Variants in KDM1A observed in about 807,000 individuals in gnomAD.
KDM1A encodes the protein lysine demethylase 1A.
A neutral mutation model predicts 109.4 loss-of-function variants in KDM1A; 49 were observed. That is an observed-to-expected ratio of 0.45 (90% CI 0.36 to 0.57). KDM1A has a LOEUF of 0.57. Ranked by LOEUF, KDM1A falls within the 20% of genes least tolerant of loss-of-function variation. The probability of loss-of-function intolerance (pLI) is 0.00; values close to 1 mark genes in which losing one functional copy is unlikely to be tolerated. For synonymous variants in KDM1A, 380 were observed against 415.4 expected (o/e 0.91, Z 1.04); for missense variants, 668 against 1,116.6 (o/e 0.60, Z 5.73).
At chr1:23,081,186 G>T in intron 18 of KDM1A, 1 of 405,248 alleles carries the variant, frequency 2.5e-6, no homozygotes, top group South Asian at 3.7e-5. Context: ...CAGAACTGCT[G>T]TATTTTGCCA....
chr1:23,049,656 G>A (rs1642606224), intron 3 of KDM1A, among the ~76,000 whole-genome samples: 1 of 150,766 alleles, frequency 6.6e-6, no homozygotes, highest in South Asian at 2.1e-4. Context: ...CTACACTCCA[G>A]CCTGGGCAAT....
intron 12 of KDM1A, among the ~76,000 whole-genome samples, chr1:23,069,599 C>T (rs1490384953): frequency 1.3e-5 from 2 of 152,198 alleles, no homozygotes; most frequent in Non-Finnish European, 2.9e-5. Flanking sequence ...GTTGGACAAG[C>T]GTGGTTTAGC....
At position 23,019,475 on chromosome 1, in the gene KDM1A, G is replaced by C. The variant is rs1378442859; in HGVS notation, c.-122G>C. The C allele has an allele frequency of 6.4e-6, 8 of 1,257,098 alleles. No homozygotes were observed. In the African/African-American group the frequency reaches 9.3e-5, roughly 15 times the overall value. 77.9% of individuals were successfully genotyped at this position (1,257,098 alleles called of 1,614,324 possible). A position where few individuals can be genotyped will look rare whatever the true frequency, so the allele number is the denominator to read the frequency against. On this transcript the variant is annotated 5_prime_UTR_variant, in exon 1 of 21. Transcript: ENST00000400181. Reference sequence around the variant, plus strand: ...CGCGGCGGGAGCGCGCTTGGCGCGTGCGTACGCGACGGCGGTTGGCGGCGC... The same window carrying C: ...CGCGGCGGGAGCGCGCTTGGCGCGTCCGTACGCGACGGCGGTTGGCGGCGC...
At position 23,019,476 on chromosome 1, in the gene KDM1A, C is replaced by T. The variant is rs1392104602; in HGVS notation, c.-121C>T. ...GCGGCGGGAGCGCGCTTGGCGCGTG[C>T]GTACGCGACGGCGGTTGGCGGCGCG... On this transcript the variant is annotated 5_prime_UTR_variant, in exon 1 of 21. Transcript: ENST00000400181. 1.6e-6 allele frequency: 2 copies of T among 1,255,612 alleles called. No individual in the cohort carries two copies. The highest frequency in any genetic ancestry group is 2.0e-6 in the Non-Finnish European group (2 of 995,810). The allele number at this position is 1,255,612 out of a possible 1,614,324, so 77.8% of individuals were successfully genotyped here. A position where few individuals can be genotyped will look rare whatever the true frequency, so the allele number is the denominator to read the frequency against.
At chr1:23,078,208 T>A (rs888689790) in intron 16 of KDM1A, among the ~76,000 whole-genome samples, 5 of 152,186 alleles carry the variant, frequency 3.3e-5, no homozygotes, top group Non-Finnish European at 5.9e-5. Flanking sequence ...AATTTTCCCA[T>A]CAGAGGCAGC....
chr1:23,068,980 C>A (rs1410089278), intron 11 of KDM1A, 81 bp from the exon 12 acceptor site: 9 of 919,466 alleles, frequency 9.8e-6, no homozygotes, highest in Non-Finnish European at 1.5e-5. Context: ...GGCCTTGATG[C>A]CCTTAAATGT....
At chr1:23,082,420 G>T in intron 20 of KDM1A, 54 bp downstream of exon 20, 1 of 1,426,506 alleles carries the variant, frequency 7.0e-7, no homozygotes, top group Non-Finnish European at 9.4e-7. Flanking sequence ...AGGATCTCAT[G>T]ATGTCCCTGA....
rs1643554840 is a variant in KDM1A, at chr1:23,079,349, CA to C, written c.2055+174del. ...TCTCTTCAGTGCCTAAGTCTATCAT[CA>C]AGTGTCTGTTCATATGGACTTAGTC... On this transcript the variant is annotated intron_variant, in intron 17 of 20. Coordinates refer to ENST00000400181, the MANE Select transcript of KDM1A (RefSeq NM_001009999.3). The surrounding 1 kb of genome is among the most constrained non-coding windows in gnomAD (Gnocchi z 5.6). Among the ~76,000 whole-genome samples the C allele has an allele frequency of 6.6e-6, 1 of 152,214 alleles. No homozygotes were observed. The highest frequency in any genetic ancestry group is 1.5e-5 in the Non-Finnish European group (1 of 68,032).
intron 1 of KDM1A, among the ~76,000 whole-genome samples, chr1:23,022,846 A>G (rs908298518): frequency 2.0e-4 from 30 of 150,776 alleles, no homozygotes; most frequent in Non-Finnish European, 3.5e-4. Context: ...TTTAGTAGAG[A>G]CAGGGTTTCA....
At chr1:23,071,725 ATCTGTAACATGG>A (rs1179343100) in intron 13 of KDM1A, among the ~76,000 whole-genome samples, 1 of 152,206 alleles carries the variant, frequency 6.6e-6, no homozygotes. Context: ...TAATTGCCTC[ATCTGTAACATGG>A]TCTTAACACC....
At chr1:23,030,376 G>T in intron 1 of KDM1A, 93 bp from the exon 2 acceptor site, 1 of 977,806 alleles carries the variant, frequency 1.0e-6, no homozygotes, top group Non-Finnish European at 1.4e-6. Context: ...AAAATGTGAG[G>T]TTAACAATTT....
At chr1:23,022,389 G>T (rs1479912181) in intron 1 of KDM1A, among the ~76,000 whole-genome samples, 2 of 151,614 alleles carry the variant, frequency 1.3e-5, no homozygotes, top group Non-Finnish European at 2.9e-5. Context: ...AGGCTGGAGT[G>T]CAGTGGCATG....
chr1:23,078,687 G>GT (rs1180206125), intron 16 of KDM1A, among the ~76,000 whole-genome samples: 1 of 152,182 alleles, frequency 6.6e-6, no homozygotes, highest in African/African-American at 2.4e-5. Flanking sequence ...CTTAACTTGA[G>GT]TAAGTGGTAT....
intron 10 of KDM1A, 50 bp downstream of exon 10, chr1:23,066,121 C>A: frequency 7.9e-7 from 1 of 1,270,764 alleles, no homozygotes; most frequent in Non-Finnish European, 1.1e-6. Flanking sequence ...TTTACAATAA[C>A]CCATTAAAAG....
chr1:23,069,303 A>G, intron 12 of KDM1A, 152 bp downstream of exon 12: 1 of 551,508 alleles, frequency 1.8e-6, no homozygotes, highest in Non-Finnish European at 3.3e-6. Flanking sequence ...GACTAACGAA[A>G]GAGACTGTTT....
In KDM1A at chr1:23,083,461, C is replaced by G; in HGVS notation, c.*97C>G. 8.1e-7 allele frequency: 1 copy of G among 1,233,032 alleles called. No individual in the cohort carries two copies. The highest frequency in any genetic ancestry group is 1.1e-6 in the Non-Finnish European group (1 of 912,108). 76.4% of individuals were successfully genotyped at this position (1,233,032 alleles called of 1,614,324 possible). A position where few individuals can be genotyped will look rare whatever the true frequency, so the allele number is the denominator to read the frequency against. Reference sequence around the variant, plus strand: ...CTAGATCCCACTGAGAAAATCCACCCTGGCATCTGGGCTCCTGATCAGCTG... The same window carrying G: ...CTAGATCCCACTGAGAAAATCCACCGTGGCATCTGGGCTCCTGATCAGCTG... On this transcript the variant is annotated 3_prime_UTR_variant, in exon 21 of 21. Transcript: ENST00000400181.
rs779514366 is a variant in KDM1A at position 23,083,317 on chromosome 1, C to T, written c.2584C>T (p.Arg862Cys). 6.2e-6 allele frequency: 10 copies of T among 1,613,674 alleles called. No individual in the cohort carries two copies. Among genetic ancestry groups the T allele is most frequent in the Admixed American group, 3.3e-5 (2 of 59,962 alleles). ...QFLGAMYTLP[R>C]QATPGVPAQQ... Reference sequence around the variant, plus strand: ...TTTGGGGGCCATGTATACGCTGCCTCGCCAGGCCACACCAGGTGTTCCTGC... The same window carrying T: ...TTTGGGGGCCATGTATACGCTGCCTTGCCAGGCCACACCAGGTGTTCCTGC... Residue 862 changes from arginine to cysteine, a missense_variant, in exon 21 of 21, where the codon CGC becomes TGC. This residue lies in a region of KDM1A where 69 missense variants were observed against 99.6 expected (regional missense o/e 0.69). Transcript: ENST00000400181.
At position 23,030,555 on chromosome 1, in the gene KDM1A, G is replaced by A. The variant is rs112725574; in HGVS notation, c.438G>A (p.Glu146=). ...YSEEERNAKA[E]KEKKLPPPPP... ...AAGAAGAGAGAAATGCCAAAGCAGA[G>A]AAGGAAAAGAAGCTTCCCCCACCAC... Residue 146 remains glutamate (E), a synonymous_variant, in exon 2 of 21, where the codon GAG becomes GAA. Transcript: ENST00000400181. 6 of 1,612,402 alleles carry A rather than the reference G, an allele frequency of 3.7e-6. No individual in the cohort carries two copies. The highest frequency in any genetic ancestry group is 1.3e-5 in the African/African-American group (1 of 74,886).
intron 3 of KDM1A, among the ~76,000 whole-genome samples, chr1:23,048,150 AAG>A (rs1642556926): frequency 6.6e-6 from 1 of 152,162 alleles, no homozygotes; most frequent in Admixed American, 6.5e-5. Context: ...GAATTATACC[AAG>A]AATTGACCTA....
Sources: allele counts gnomAD v4.1 joint callset (sites outside exome capture counted in the v4.1 genomes callset), GRCh38; gene constraint gnomAD v4.1.1; regional missense constraint gnomAD v4.1.1; non-coding constraint Gnocchi (gnomAD v3.1); transcripts MANE v1.5; gene names NCBI Gene and HGNC (gene_info 2026-07-23, HGNC 2026-07-21).